AMBRA1: variants seen among roughly 807,000 people sequenced by gnomAD.
AMBRA1 encodes the protein activating molecule in BECN1-regulated autophagy protein 1.
In AMBRA1, 47 loss-of-function variants were observed where a neutral mutation model predicts 125.4. The ratio of observed to expected loss-of-function variants is 0.37; its 90% CI spans 0.30 to 0.48. AMBRA1 has a LOEUF of 0.48. Among genes scored for constraint, AMBRA1 ranks in the 20% least tolerant of loss-of-function variants. The probability of loss-of-function intolerance (pLI) is 0.99; values close to 1 mark genes in which losing one functional copy is unlikely to be tolerated. For synonymous variants in AMBRA1, 626 were observed against 655.5 expected, an observed-to-expected ratio of 0.95 and a Z score of 0.69; for missense variants, 1,331 against 1,693.4, an observed-to-expected ratio of 0.79 and a Z score of 3.76.
intron 7 of AMBRA1, among the ~76,000 whole-genome samples, chr11:46,519,307 C>T (rs745869712): frequency 3.3e-5 from 5 of 152,056 alleles, no homozygotes; most frequent in Non-Finnish European, 7.4e-5. Flanking sequence ...TACAGGCATG[C>T]GCCACCATGC....
At position 46,542,355 on chromosome 11, in the gene AMBRA1, A is replaced by G. The variant is rs1370525355; in HGVS notation, c.1662T>C (p.Ser554=). 1 of 1,614,082 alleles carries G rather than the reference A, an allele frequency of 6.2e-7. No homozygotes were observed. Among genetic ancestry groups the G allele is most frequent in the Admixed American group, 1.7e-5 (1 of 60,016 alleles). The change falls in exon 7 of 18, where the codon AGT becomes AGC. Residue 554 remains serine (S), a synonymous_variant. Transcript: ENST00000683756. This position sits in a 1 kb window ranked among gnomAD's most constrained non-coding sequence, Gnocchi z 5.9. ...CACGGGACAGGTTGGAGTTGTTCTC[A>G]CTGCTGTGTGGGGTGGGCTGGTGGG... ...GPSHQPTPHS[S]ENNSNLSRGH...
intron 11 of AMBRA1, among the ~76,000 whole-genome samples, chr11:46,468,277 T>C (rs905417388): frequency 1.3e-5 from 2 of 151,272 alleles, no homozygotes; most frequent in Non-Finnish European, 3.0e-5. Flanking sequence ...TGGCTCACAC[T>C]GGTAGTCCCA....
chr11:46,487,885 A>G (rs1950316814), intron 11 of AMBRA1, among the ~76,000 whole-genome samples: 1 of 152,200 alleles, frequency 6.6e-6, no homozygotes, highest in African/African-American at 2.4e-5. Context: ...TAGATAAAAA[A>G]CAAGCTCCAA....
At chr11:46,592,377 C>T (rs1221443202) in intron 1 of AMBRA1, among the ~76,000 whole-genome samples, 3 of 152,144 alleles carry the variant, frequency 2.0e-5, no homozygotes, top group African/African-American at 7.2e-5. Context: ...AAAGCGTTAA[C>T]CTTTCATTTA....
intron 1 of AMBRA1, among the ~76,000 whole-genome samples, chr11:46,579,082 T>C (rs1012278240): frequency 2.1e-5 from 3 of 146,270 alleles, no homozygotes; most frequent in African/African-American, 7.5e-5. Flanking sequence ...GAATGAACTT[T>C]AAAAGCCAGT....
At chr11:46,541,241 G>C (rs1952722090) in intron 7 of AMBRA1, among the ~76,000 whole-genome samples, 1 of 152,166 alleles carries the variant, frequency 6.6e-6, no homozygotes, top group Non-Finnish European at 1.5e-5. Context: ...GAAAGAGTTG[G>C]CTAGGATGCC....
intron 11 of AMBRA1, among the ~76,000 whole-genome samples, chr11:46,452,890 T>C (rs2136796870): frequency 6.7e-6 from 1 of 150,270 alleles, no homozygotes. Flanking sequence ...CAAATATATA[T>C]GTGTGTCTGT....
chr11:46,441,067 C>T lies in AMBRA1; in HGVS notation c.2632+2421G>A, dbSNP rs138259956. Among the ~76,000 whole-genome samples the T allele has an allele frequency of 1.1e-3, 173 of 152,048 alleles. 2 individuals carry two copies. The highest frequency in any genetic ancestry group is 1.2e-4 in the Non-Finnish European group (8 of 67,968). On this transcript the variant is annotated intron_variant, in intron 12 of 17. Coordinates refer to ENST00000683756, the MANE Select transcript of AMBRA1 (RefSeq NM_001387011.1). Reference sequence around the variant, plus strand: ...TTTTTGCTAACAATCTGACAGAAGACAGAAAAGCATGTTTATTGAATTAGT... The same window carrying T: ...TTTTTGCTAACAATCTGACAGAAGATAGAAAAGCATGTTTATTGAATTAGT...
intron 17 of AMBRA1, among the ~76,000 whole-genome samples, chr11:46,405,298 T>C (rs1048631561): frequency 3.9e-5 from 6 of 152,108 alleles, no homozygotes; most frequent in Admixed American, 6.5e-5. Flanking sequence ...AAAACAATTA[T>C]CAGTTTAGGT....
At chr11:46,445,828 T>C (rs753084009) in intron 11 of AMBRA1, among the ~76,000 whole-genome samples, 1 of 152,192 alleles carries the variant, frequency 6.6e-6, no homozygotes, top group Non-Finnish European at 1.5e-5. Context: ...CAGTACATGA[T>C]GAACAAAATG....
intron 1 of AMBRA1, among the ~76,000 whole-genome samples, chr11:46,590,777 G>A (rs2044567328): frequency 1.3e-5 from 2 of 152,086 alleles, no homozygotes; most frequent in Admixed American, 6.5e-5. Flanking sequence ...CGGGCATGGT[G>A]GCACACGCCT....
chr11:46,543,339 A>G lies in AMBRA1; in HGVS notation c.678T>C (p.Arg226=). The change falls in exon 7 of 18, where the codon CGT becomes CGC. Residue 226 remains arginine, a synonymous_variant. Transcript: ENST00000683756. ...GAACTGGCTGTGATTGCAGGAGGGCACGCTGACGGTAGTGGGATAATTCTG... is the reference window on the plus strand; with the variant it reads ...GAACTGGCTGTGATTGCAGGAGGGCGCGCTGACGGTAGTGGGATAATTCTG... ...DGTELSHYRQ[R]ALLQSQPVRR... 1 of 1,614,052 alleles carries G rather than the reference A, an allele frequency of 6.2e-7. No homozygotes were observed.
At chr11:46,587,233 A>G (rs1485447427) in intron 1 of AMBRA1, among the ~76,000 whole-genome samples, 2 of 152,072 alleles carry the variant, frequency 1.3e-5, no homozygotes, top group Non-Finnish European at 2.9e-5. Flanking sequence ...TACAAAAATT[A>G]GCCGGACGTG....
At chr11:46,528,869 A>G (rs996646868) in intron 7 of AMBRA1, among the ~76,000 whole-genome samples, 2 of 152,228 alleles carry the variant, frequency 1.3e-5, no homozygotes, top group Non-Finnish European at 2.9e-5. Flanking sequence ...CCAAGGGGAC[A>G]GCAAGGAGAC....
chr11:46,514,151 G>A (rs920512278), intron 7 of AMBRA1, among the ~76,000 whole-genome samples: 2 of 152,192 alleles, frequency 1.3e-5, no homozygotes, highest in Non-Finnish European at 2.9e-5. Flanking sequence ...CAGACCTGCA[G>A]GATAAGGACA....
At chr11:46,576,947 G>A (rs2043979037) in intron 1 of AMBRA1, among the ~76,000 whole-genome samples, 1 of 152,122 alleles carries the variant, frequency 6.6e-6, no homozygotes, top group Non-Finnish European at 1.5e-5. Flanking sequence ...AAACCAGTAT[G>A]TTAGAACTCA....
intron 12 of AMBRA1, 62 bp from the exon 13 acceptor site, chr11:46,435,099 T>C: frequency 1.4e-6 from 2 of 1,456,420 alleles, no homozygotes; most frequent in Non-Finnish European, 1.8e-6. Context: ...GTAAAAATTC[T>C]GGGGCCAAGA....
At chr11:46,561,504 G>A (rs931927498) in intron 1 of AMBRA1, among the ~76,000 whole-genome samples, 1 of 152,108 alleles carries the variant, frequency 6.6e-6, no homozygotes, top group African/African-American at 2.4e-5. Context: ...AACAAAACCT[G>A]GAAGAGGTTA....
Position 46,506,057 on chromosome 11 carries a change from C to T in AMBRA1, c.2339+2134G>A, listed in dbSNP as rs1951025279. On this transcript the variant is annotated intron_variant, in intron 9 of 17. Transcript: ENST00000683756. Reference sequence around the variant, plus strand: ...AGCCTTGGCATGTATGTTTCAACTGCTTCCCTGAATAGACCCTGGTGCTGG... The same window carrying T: ...AGCCTTGGCATGTATGTTTCAACTGTTTCCCTGAATAGACCCTGGTGCTGG... Among the ~76,000 whole-genome samples, 3 of 152,360 alleles carry T rather than the reference C, an allele frequency of 2.0e-5. No homozygotes were observed. The South Asian group carries it at 6.2e-4, about 32-fold the overall frequency.
Sources: gnomAD v4.1 joint callset for allele counts (sites outside exome capture counted in the v4.1 genomes callset) on GRCh38, gnomAD v4.1.1 for gene constraint, Gnocchi (gnomAD v3.1) non-coding constraint, MANE v1.5 for transcripts, NCBI Gene and HGNC (gene_info 2026-07-23, HGNC 2026-07-21) for gene names.